The following MYO1E variants were observed in gnomAD, a reference collection of about 807,000 sequenced individuals.
MYO1E encodes the protein unconventional myosin-Ie.
Under a neutral mutation model 151.1 loss-of-function variants are expected in MYO1E, and 68 were observed. The ratio of observed to expected loss-of-function variants is 0.45; its 90% CI spans 0.37 to 0.55. The LOEUF (loss-of-function observed/expected upper bound fraction) is 0.55. Among genes scored for constraint, MYO1E ranks in the 20% least tolerant of loss-of-function variants. MYO1E has a pLI of 0.00. For missense variants in MYO1E, 1,363 were observed against 1,389.3 expected (o/e 0.98, Z 0.30); for synonymous variants, 601 against 501.7 (o/e 1.20, Z -2.64).
chr15:59,142,343 A>G (rs1242874873), intron 26 of MYO1E, among the ~76,000 whole-genome samples: 2 of 152,122 alleles, frequency 1.3e-5, no homozygotes, highest in Non-Finnish European at 2.9e-5. Flanking sequence ...GGGGGCTTAG[A>G]TACAGGGTCC....
chr15:59,208,680 C>A lies in MYO1E; in HGVS notation c.1530+1G>T, dbSNP rs751847560. 5 of 1,614,192 alleles carry A rather than the reference C, an allele frequency of 3.1e-6. No homozygotes were observed. The highest frequency in any genetic ancestry group is 4.2e-6 in the Non-Finnish European group (5 of 1,180,034). The stretch of plus-strand genomic sequence containing the variant: ...GACATTAAAATGGATATTGGCCATA[C>A]CTTCCCAGCATAATGATGAATGATG... On this transcript the variant is annotated splice_donor_variant, in intron 14 of 27. Coordinates refer to ENST00000288235, the MANE Select transcript of MYO1E (RefSeq NM_004998.4). LOFTEE classifies it high-confidence loss of function.
rs377210595 is a variant in MYO1E at position 59,281,961 on chromosome 15, C to CAAA, written c.4-9515_4-9513dup. On this transcript the variant is annotated intron_variant, in intron 1 of 27. Coordinates refer to ENST00000288235, the MANE Select transcript of MYO1E (RefSeq NM_004998.4). ...CCTGGTGACAAAGCAAGACCCTGTT[C>CAAA]AAAAAAAAAAAAGGAAAAGAAAAAG... is the stretch of plus-strand genomic sequence containing the variant. 1.9e-3 allele frequency among the ~76,000 whole-genome samples: 221 copies of CAAA among 117,548 alleles called. 1 individual carries two copies. Among genetic ancestry groups the CAAA allele is most frequent in the Middle Eastern group, 9.2e-3 (2 of 218 alleles). The allele number at this position is 117,548 out of a possible 152,430, so 77.1% of individuals were successfully genotyped here. A position where few individuals can be genotyped will look rare whatever the true frequency, so the allele number is the denominator to read the frequency against.
chr15:59,214,570 G>T, intron 11 of MYO1E, 70 bp downstream of exon 11: 4 of 1,341,368 alleles, frequency 3.0e-6, no homozygotes, highest in South Asian at 1.2e-5. Context: ...GCATTGCCTA[G>T]AATTATTTCT....
At chr15:59,372,443 G>C (rs1596448217) in intron 1 of MYO1E, 55 bp downstream of exon 1, 2 of 1,536,202 alleles carry the variant, frequency 1.3e-6, no homozygotes, top group East Asian at 2.5e-5. Context: ...CCACGCCGGG[G>C]TTTCCTGCCC....
intron 2 of MYO1E, among the ~76,000 whole-genome samples, chr15:59,267,260 C>T (rs140626404): frequency 0.14 from 20,504 of 151,388 alleles, 2,001 homozygotes; most frequent in East Asian, 0.41. Context: ...CTCCTGACCT[C>T]ATGATCCACC....
chr15:59,307,357 T>G (rs796491617), intron 1 of MYO1E, among the ~76,000 whole-genome samples: 4 of 152,216 alleles, frequency 2.6e-5, no homozygotes, highest in African/African-American at 9.6e-5. Context: ...CGTTTTCTAT[T>G]GGAAGGAGAA....
At chr15:59,202,204 C>T in intron 16 of MYO1E, 122 bp downstream of exon 16, 1 of 813,360 alleles carries the variant, frequency 1.2e-6, no homozygotes, top group Admixed American at 2.0e-5. Context: ...TACTTCTGGG[C>T]ATCTTCTGTA....
At chr15:59,306,415 C>T (rs1020202501) in intron 1 of MYO1E, among the ~76,000 whole-genome samples, 4 of 152,096 alleles carry the variant, frequency 2.6e-5, no homozygotes, top group South Asian at 2.1e-4. Flanking sequence ...AGATACTGAA[C>T]GAATATATGT....
chr15:59,303,982 CTTTTTTTTT>C (rs35196401), intron 1 of MYO1E, among the ~76,000 whole-genome samples: 5 of 132,654 alleles, frequency 3.8e-5, no homozygotes, highest in African/African-American at 1.4e-4. Flanking sequence ...TCTTTTCTTT[CTTTTTTTTT>C]TTTTTTTTTA....
In MYO1E at chr15:59,206,960, T is replaced by C. The variant is rs1211687653; in HGVS notation, c.1531-1475A>G. 5 of 1,613,710 alleles carry C rather than the reference T, an allele frequency of 3.1e-6. No homozygotes were observed. The East Asian group carries it at 6.7e-5, about 22-fold the overall frequency. On this transcript the variant is annotated intron_variant, in intron 14 of 27. Coordinates refer to ENST00000288235, the MANE Select transcript of MYO1E (RefSeq NM_004998.4). The stretch of plus-strand genomic sequence containing the variant: ...GCAGCCATGAGTTGGACTGTGCCTG[T>C]TGTGCGGGCCAGCCAGAGAGTGAGC...
intron 13 of MYO1E, among the ~76,000 whole-genome samples, chr15:59,209,813 ACCTTTTTT>A (rs1419347265): frequency 0.017 from 1,224 of 71,148 alleles, 89 homozygotes; most frequent in African/African-American, 0.056. Flanking sequence ...ATTTTGAATC[ACCTTTTTT>A]TTTTTTTTTT....
intron 4 of MYO1E, among the ~76,000 whole-genome samples, chr15:59,242,446 A>G (rs1254497486): frequency 6.6e-6 from 1 of 152,246 alleles, no homozygotes; most frequent in African/African-American, 2.4e-5. Flanking sequence ...ATAATGGATT[A>G]CGATCCTTTG....
At chr15:59,323,470 G>C (rs780994129) in intron 1 of MYO1E, among the ~76,000 whole-genome samples, 1 of 151,712 alleles carries the variant, frequency 6.6e-6, no homozygotes. Context: ...GGTTAACATG[G>C]TGAAACCCCG....
chr15:59,280,351 G>A (rs771657937), intron 1 of MYO1E, among the ~76,000 whole-genome samples: 2 of 152,096 alleles, frequency 1.3e-5, no homozygotes, highest in African/African-American at 2.4e-5. Context: ...TCAACTGGAC[G>A]CAGCAGCTCA....
chr15:59,317,204 A>G (rs1290056694), intron 1 of MYO1E, among the ~76,000 whole-genome samples: 1 of 152,246 alleles, frequency 6.6e-6, no homozygotes, highest in Non-Finnish European at 1.5e-5. Context: ...GAGATGAACA[A>G]GGCACACACA....
chr15:59,341,073 A>C (rs1470160910), intron 1 of MYO1E, among the ~76,000 whole-genome samples: 1 of 152,020 alleles, frequency 6.6e-6, no homozygotes, highest in Non-Finnish European at 1.5e-5. Flanking sequence ...AAAGAACATA[A>C]AATTCATTTT....
chr15:59,224,615 T>G (rs1249592610), intron 8 of MYO1E, 74 bp downstream of exon 8: 2 of 1,589,078 alleles, frequency 1.3e-6, no homozygotes, highest in African/African-American at 2.7e-5. Context: ...TTTATTAACC[T>G]TCACTGCCCT....
chr15:59,358,043 A>G (rs1417193580), intron 1 of MYO1E, among the ~76,000 whole-genome samples: 3 of 152,228 alleles, frequency 2.0e-5, no homozygotes, highest in African/African-American at 7.2e-5. Context: ...GTCAACTGAC[A>G]CTTAAATACA....
chr15:59,249,111 CTTGAT>C (rs1386869090), intron 4 of MYO1E, among the ~76,000 whole-genome samples: 2 of 152,062 alleles, frequency 1.3e-5, no homozygotes, highest in Non-Finnish European at 2.9e-5. Flanking sequence ...CGTCTCCTTC[CTTGAT>C]TTATTTCTTT....
Sources: gnomAD v4.1 joint callset for allele counts (sites outside exome capture counted in the v4.1 genomes callset) on GRCh38, gnomAD v4.1.1 for gene constraint, MANE v1.5 for transcripts, NCBI Gene and HGNC (gene_info 2026-07-23, HGNC 2026-07-21) for gene names.